The following CDYL variants were observed in gnomAD, a reference collection of about 807,000 sequenced individuals.
The protein encoded by CDYL is chromodomain Y-like protein.
Under a neutral mutation model 47.3 loss-of-function variants are expected in CDYL, and 8 were observed. The ratio of observed to expected loss-of-function variants is 0.17; its 90% CI spans 0.10 to 0.31. CDYL has a LOEUF of 0.31. CDYL is among the 10% of genes least tolerant of loss of function. CDYL has a pLI of 1.00. For synonymous variants in CDYL, 266 were observed against 265.0 expected, an observed-to-expected ratio of 1.00 and a Z score of -0.04; for missense variants, 471 against 701.4, an observed-to-expected ratio of 0.67 and a Z score of 3.71.
At chr6:4,902,997 G>A (rs1304283083) in intron 2 of CDYL, among the ~76,000 whole-genome samples, 1 of 152,224 alleles carries the variant, frequency 6.6e-6, no homozygotes, top group Non-Finnish European at 1.5e-5. Context: ...TAGTCCAATT[G>A]TTTACACACA....
chr6:4,848,618 A>T (rs1406398614), intron 1 of CDYL, among the ~76,000 whole-genome samples: 1 of 152,226 alleles, frequency 6.6e-6, no homozygotes, highest in African/African-American at 2.4e-5. Flanking sequence ...TGAAAAGGCA[A>T]ATATTTTGGT....
chr6:4,779,529 A>G (rs1320638609), intron 1 of CDYL, among the ~76,000 whole-genome samples: 1 of 152,240 alleles, frequency 6.6e-6, no homozygotes, highest in Admixed American at 6.5e-5. Flanking sequence ...ATGGCTATTG[A>G]AACTAGGCTT....
At chr6:4,915,574 C>A (rs1318060279) in intron 2 of CDYL, among the ~76,000 whole-genome samples, 3 of 152,132 alleles carry the variant, frequency 2.0e-5, no homozygotes, top group Non-Finnish European at 4.4e-5. Flanking sequence ...AAAGAGAAAT[C>A]CTAATACTGA....
Position 4,758,351 on chromosome 6 carries a change from A to AATAAATATATATATATATAT in CDYL, c.186+23510_186+23511insAATATATATATATATATATA, listed in dbSNP as rs1554134097. ...AAGACTCATGTCTTGAAAATAAATA[A>AATAAATATATATATATATAT]ATATATATATATATATATATCTCTT... is the stretch of plus-strand genomic sequence containing the variant. On this transcript the variant is annotated intron_variant, in intron 3 of 8. Coordinates refer to the CDYL transcript ENST00000328908. Among the ~76,000 whole-genome samples, 785 of 128,950 alleles carry AATAAATATATATATATATAT rather than the reference A, an allele frequency of 6.1e-3. 4 individuals carry two copies. The highest frequency in any genetic ancestry group is 9.4e-3 in the Non-Finnish European group (589 of 62,802). The allele number at this position is 128,950 out of a possible 152,430, so 84.6% of individuals were successfully genotyped here.
intron 2 of CDYL, among the ~76,000 whole-genome samples, chr6:4,730,229 A>G (rs910177667): frequency 3.9e-5 from 6 of 152,196 alleles, no homozygotes; most frequent in Non-Finnish European, 7.3e-5. Context: ...TGTCATTTAC[A>G]TGCTTCCAAG....
Position 4,740,064 on chromosome 6 carries a change from T to A in CDYL, c.186+5220T>A, listed in dbSNP as rs73717720. 8.0e-3 allele frequency among the ~76,000 whole-genome samples: 1,211 copies of A among 152,206 alleles called. 20 individuals carry two copies. The highest frequency in any genetic ancestry group is 0.028 in the African/African-American group (1,144 of 41,532). On this transcript the variant is annotated intron_variant, in intron 3 of 8. Coordinates refer to the CDYL transcript ENST00000328908. ...TGTACTTTCCTATACTTTAAAAAAA[T>A]TTTCCCAAAAAAAGCAGTACATGTG...
chr6:4,911,719 A>T (rs1319385736), intron 2 of CDYL, among the ~76,000 whole-genome samples: 2 of 152,200 alleles, frequency 1.3e-5, no homozygotes, highest in Admixed American at 6.5e-5. Flanking sequence ...TTAACTTTAA[A>T]TAACTTCCTA....
rs190789747 is a variant in CDYL at position 4,859,262 on chromosome 6, C to T, written c.25-32451C>T. Among the ~76,000 whole-genome samples, 13 of 152,130 alleles carry T rather than the reference C, an allele frequency of 8.5e-5. 1 individual carries two copies. In the East Asian group the frequency reaches 1.4e-3, roughly 16 times the overall value. On this transcript the variant is annotated intron_variant, in intron 1 of 6. Coordinates refer to ENST00000397588, the MANE Select transcript of CDYL (RefSeq NM_004824.4). ...TACAACAGACAGTGACATTTTCTTT[C>T]TAGTGTGAGCTCAAGTCTGTGAGCT...
chr6:4,714,567 C>A (rs955500686), intron 1 of CDYL: 7 of 152,306 alleles, frequency 4.6e-5, no homozygotes, highest in African/African-American at 1.7e-4. Flanking sequence ...CTGCTGCTGG[C>A]CAGCCCTGGA....
chr6:4,849,375 C>G (rs757696143), intron 1 of CDYL, among the ~76,000 whole-genome samples: 2 of 152,132 alleles, frequency 1.3e-5, no homozygotes, highest in African/African-American at 2.4e-5. Context: ...GAAAACATAC[C>G]TTAATGATTA....
intron 3 of CDYL, among the ~76,000 whole-genome samples, chr6:4,763,287 A>AAAAAC (rs1337699375): frequency 4.6e-5 from 7 of 152,178 alleles, no homozygotes; most frequent in Non-Finnish European, 7.4e-5. Context: ...GAGATACAGT[A>AAAAAC]AAAACAAAAC....
chr6:4,780,311 C>T (rs961775887), intron 1 of CDYL, among the ~76,000 whole-genome samples: 1 of 147,852 alleles, frequency 6.8e-6, no homozygotes, highest in African/African-American at 2.5e-5. Context: ...CAGCTCACTA[C>T]AACCTCTGCC....
intron 3 of CDYL, among the ~76,000 whole-genome samples, chr6:4,751,604 T>A (rs1198168879): frequency 6.6e-6 from 1 of 152,186 alleles, no homozygotes; most frequent in Non-Finnish European, 1.5e-5. Context: ...ACAGTAAGAA[T>A]AGGATGAACA....
At chr6:4,786,934 G>C (rs1443359792) in intron 1 of CDYL, among the ~76,000 whole-genome samples, 1 of 152,186 alleles carries the variant, frequency 6.6e-6, no homozygotes, top group Admixed American at 6.5e-5. Context: ...CACTCCTCCT[G>C]TCCTGATTCT....
chr6:4,710,331 A>AGGAGGAAGGGAG (rs1757125267), intron 1 of CDYL, among the ~76,000 whole-genome samples: 2 of 122,982 alleles, frequency 1.6e-5, no homozygotes, highest in South Asian at 6.1e-4. Context: ...AAGGAAAGAA[A>AGGAGGAAGGGAG]GGAGGAAGGG....
At chr6:4,831,432 A>G (rs1345636652) in intron 1 of CDYL, among the ~76,000 whole-genome samples, 2 of 152,096 alleles carry the variant, frequency 1.3e-5, no homozygotes, top group Non-Finnish European at 2.9e-5. Flanking sequence ...TGTTCCATTG[A>G]TCTATATCTC....
At chr6:4,794,028 A>C (rs1380666110) in intron 1 of CDYL, among the ~76,000 whole-genome samples, 4 of 152,136 alleles carry the variant, frequency 2.6e-5, no homozygotes. Flanking sequence ...TGAACTACAC[A>C]GGATTATAGT....
intron 3 of CDYL, among the ~76,000 whole-genome samples, chr6:4,741,658 A>G (rs777117559): frequency 3.3e-5 from 5 of 152,028 alleles, no homozygotes; most frequent in Non-Finnish European, 5.9e-5. Context: ...CTTTTATCTC[A>G]CTGGCCAGAA....
At chr6:4,879,322 T>C (rs967270806) in intron 1 of CDYL, among the ~76,000 whole-genome samples, 2 of 152,184 alleles carry the variant, frequency 1.3e-5, no homozygotes, top group Non-Finnish European at 2.9e-5. Context: ...TTCTGTCAGT[T>C]TTCTTTCATA....
Sources: allele counts gnomAD v4.1 joint callset (sites outside exome capture counted in the v4.1 genomes callset), GRCh38; gene constraint gnomAD v4.1.1; transcripts MANE v1.5; gene names NCBI Gene and HGNC (gene_info 2026-07-23, HGNC 2026-07-21).